PLA2G4A: variants seen among roughly 807,000 people sequenced by gnomAD.
PLA2G4A encodes the protein cytosolic phospholipase A2.
Under a neutral mutation model 81.9 loss-of-function variants are expected in PLA2G4A, and 40 were observed. The observed-to-expected ratio is 0.49, with a 90% CI of 0.38 to 0.64. The LOEUF (loss-of-function observed/expected upper bound fraction) is 0.64. PLA2G4A is among the 30% of genes least tolerant of loss of function. The probability of loss-of-function intolerance (pLI) is 0.00; values close to 1 mark genes in which losing one functional copy is unlikely to be tolerated. For missense variants in PLA2G4A, 715 were observed against 905.1 expected (o/e 0.79, Z 2.69); for synonymous variants, 302 against 296.9 (o/e 1.02, Z -0.18).
chr1:186,900,258 C>A (rs1315006348), intron 5 of PLA2G4A, among the ~76,000 whole-genome samples: 1 of 152,148 alleles, frequency 6.6e-6, no homozygotes, highest in Non-Finnish European at 1.5e-5. Context: ...GCCGTGCATC[C>A]TCATCTGTAA....
chr1:186,972,983 A>C (rs971663011), intron 15 of PLA2G4A, among the ~76,000 whole-genome samples: 2 of 152,232 alleles, frequency 1.3e-5, no homozygotes, highest in African/African-American at 4.8e-5. Context: ...AGGTTGGCCC[A>C]CATCACAGCC....
At chr1:186,962,562 C>G (rs1198942439) in intron 14 of PLA2G4A, among the ~76,000 whole-genome samples, 1 of 151,082 alleles carries the variant, frequency 6.6e-6, no homozygotes, top group African/African-American at 2.4e-5. Flanking sequence ...TGCTCTGTCG[C>G]CCAGGCTGCA....
At chr1:186,921,509 A>G (rs1434950755) in intron 7 of PLA2G4A, among the ~76,000 whole-genome samples, 1 of 152,072 alleles carries the variant, frequency 6.6e-6, no homozygotes, top group Non-Finnish European at 1.5e-5. Flanking sequence ...ACCCCAGTAT[A>G]TTGCTTCTCT....
At chr1:186,959,434 G>A (rs2102263653) in intron 14 of PLA2G4A, among the ~76,000 whole-genome samples, 1 of 152,180 alleles carries the variant, frequency 6.6e-6, no homozygotes, top group South Asian at 2.1e-4. Context: ...TTAAATTAAT[G>A]ACGTTTGGAA....
At chr1:186,830,953 G>GCTTTCTTTCTTTCTTT (rs1491301817) in intron 1 of PLA2G4A, among the ~76,000 whole-genome samples, 1 of 47,280 alleles carries the variant, frequency 2.1e-5, no homozygotes, top group Non-Finnish European at 4.3e-5. Flanking sequence ...TTGCTTGCTT[G>GCTTTCTTTCTTTCTTT]CTTGCTTTCT....
chr1:186,857,514 T>G (rs908432085), intron 2 of PLA2G4A, among the ~76,000 whole-genome samples: 5 of 138,984 alleles, frequency 3.6e-5, no homozygotes, highest in East Asian at 2.0e-4. Context: ...ATATAATATA[T>G]AATATAATAT....
At chr1:186,940,809 G>C (rs973683542) in intron 10 of PLA2G4A, among the ~76,000 whole-genome samples, 1 of 152,102 alleles carries the variant, frequency 6.6e-6, no homozygotes, top group African/African-American at 2.4e-5. Context: ...GAACTCATGG[G>C]TATATAGAGC....
At chr1:186,878,349 T>C (rs1653595908) in intron 3 of PLA2G4A, among the ~76,000 whole-genome samples, 1 of 146,734 alleles carries the variant, frequency 6.8e-6, no homozygotes, top group East Asian at 2.0e-4. Flanking sequence ...ATTTTATATA[T>C]ATATATAAAT....
chr1:186,947,223 G>A (rs550061811), intron 12 of PLA2G4A, among the ~76,000 whole-genome samples: 10 of 151,658 alleles, frequency 6.6e-5, no homozygotes, highest in Admixed American at 3.9e-4. Flanking sequence ...TTCCTTTTTC[G>A]CATTATACTG....
At chr1:186,836,162 A>C (rs1023061040) in intron 1 of PLA2G4A, among the ~76,000 whole-genome samples, 3 of 151,744 alleles carry the variant, frequency 2.0e-5, no homozygotes, top group African/African-American at 7.2e-5. Flanking sequence ...AATAAGTATT[A>C]ATAAGCTATT....
intron 6 of PLA2G4A, among the ~76,000 whole-genome samples, chr1:186,909,199 T>C (rs12720558): frequency 5.3e-4 from 80 of 150,174 alleles, no homozygotes; most frequent in African/African-American, 1.8e-3. Context: ...TGGTCTCGAT[T>C]TCCTGACCTC....
At chr1:186,831,731 G>A (rs951605115) in intron 1 of PLA2G4A, among the ~76,000 whole-genome samples, 4 of 151,972 alleles carry the variant, frequency 2.6e-5, no homozygotes, top group African/African-American at 9.7e-5. Flanking sequence ...TTCCCCCAAG[G>A]TACTTTTAAA....
At chr1:186,902,548 T>G (rs1468259122) in intron 5 of PLA2G4A, among the ~76,000 whole-genome samples, 2 of 152,186 alleles carry the variant, frequency 1.3e-5, no homozygotes, top group Non-Finnish European at 2.9e-5. Flanking sequence ...TATTTTGTTT[T>G]GTTTTTCTTA....
In PLA2G4A at chr1:186,893,091, G is replaced by A. The variant is rs188505969; in HGVS notation, c.196G>A (p.Asp66Asn). The change falls in exon 4 of 18, where the codon GAC becomes AAC. Residue 66 changes from aspartate (D) to asparagine (N), a missense_variant. Asp to Asn is a conservative substitution (Grantham distance 23). Coordinates refer to ENST00000367466, the MANE Select transcript of PLA2G4A (RefSeq NM_024420.3). ...GAAGAGAACAAGACATTTCAATAATGACATAAACCCTGTGTGGAATGAGAC... is the reference window on the plus strand; with the variant it reads ...GAAGAGAACAAGACATTTCAATAATAACATAAACCCTGTGTGGAATGAGAC... ...SRKRTRHFNN[D>N]INPVWNETFE... 3 of 1,610,678 alleles carry A rather than the reference G, an allele frequency of 1.9e-6. No individual in the cohort carries two copies. The highest frequency in any genetic ancestry group is 4.5e-5 in the East Asian group (2 of 44,832).
intron 3 of PLA2G4A, among the ~76,000 whole-genome samples, chr1:186,885,894 A>T (rs533018936): frequency 1.5e-4 from 23 of 152,296 alleles, no homozygotes; most frequent in Non-Finnish European, 3.1e-4. Context: ...AATATAGAAT[A>T]AAAAGCTAAG....
chr1:186,842,234 G>C (rs1476039648), intron 1 of PLA2G4A, among the ~76,000 whole-genome samples: 1 of 151,876 alleles, frequency 6.6e-6, no homozygotes, highest in Non-Finnish European at 1.5e-5. Flanking sequence ...GTAGAGACAG[G>C]GTTTCACAGT....
intron 3 of PLA2G4A, among the ~76,000 whole-genome samples, chr1:186,879,531 G>A (rs891239071): frequency 2.6e-5 from 4 of 151,874 alleles, no homozygotes; most frequent in African/African-American, 9.7e-5. Flanking sequence ...TCTTGCTTGG[G>A]TTCAAATCTC....
chr1:186,895,811 C>G (rs1328102676), intron 5 of PLA2G4A, among the ~76,000 whole-genome samples: 1 of 152,168 alleles, frequency 6.6e-6, no homozygotes, highest in African/African-American at 2.4e-5. Flanking sequence ...GAAAGACAGG[C>G]TGTTTGGTGT....
rs114927593 is a variant in PLA2G4A at position 186,876,817 on chromosome 1, A to G, written c.115+6301A>G. On this transcript the variant is annotated intron_variant, in intron 3 of 17. Transcript: ENST00000367466. ...TGGGCTTCTAAAACTTGTAGAAACT[A>G]AAGAAAACCCAAATGCATAACATTT... Among the ~76,000 whole-genome samples the G allele has an allele frequency of 7.5e-3, 1,147 of 152,216 alleles. 10 individuals are homozygous for G. Among genetic ancestry groups the G allele is most frequent in the African/African-American group, 0.026 (1,092 of 41,548 alleles).
Sources: gnomAD v4.1 joint callset for allele counts (sites outside exome capture counted in the v4.1 genomes callset) on GRCh38, gnomAD v4.1.1 for gene constraint, MANE v1.5 for transcripts, NCBI Gene and HGNC (gene_info 2026-07-23, HGNC 2026-07-21) for gene names.